The following NTM variants were observed in gnomAD, a reference collection of about 807,000 sequenced individuals.
NTM encodes IgLON family member 2.
In NTM, 13 loss-of-function variants were observed where a neutral mutation model predicts 42.1. The ratio of observed to expected loss-of-function variants is 0.31; its 90% confidence interval spans 0.20 to 0.49. The LOEUF (loss-of-function observed/expected upper bound fraction) is 0.49. NTM is among the 20% of genes least tolerant of loss of function. The probability of loss-of-function intolerance (pLI) is 0.99; values close to 1 mark genes in which losing one functional copy is unlikely to be tolerated. For synonymous variants in NTM, 187 were observed against 179.2 expected (o/e 1.04, Z -0.35); for missense variants, 373 against 452.8 (o/e 0.82, Z 1.60).
intron 1 of NTM, among the ~76,000 whole-genome samples, chr11:131,892,247 A>G (rs771472034): frequency 6.6e-6 from 1 of 152,164 alleles, no homozygotes; most frequent in Non-Finnish European, 1.5e-5. Context: ...TCTGCTAGAC[A>G]GGGTAGCTGG....
chr11:131,546,219 G>C (rs566651459), intron 1 of NTM, among the ~76,000 whole-genome samples: 1 of 152,066 alleles, frequency 6.6e-6, no homozygotes, highest in Non-Finnish European at 1.5e-5. Flanking sequence ...CTATCCCTTC[G>C]CTTTAAAATA....
chr11:132,189,235 A>G (rs2078917040), intron 3 of NTM, among the ~76,000 whole-genome samples: 1 of 152,204 alleles, frequency 6.6e-6, no homozygotes, highest in Non-Finnish European at 1.5e-5. Context: ...TAGATAGATC[A>G]TGAAAAATAC....
At chr11:132,001,492 T>C (rs2069223231) in intron 2 of NTM, among the ~76,000 whole-genome samples, 2 of 152,148 alleles carry the variant, frequency 1.3e-5, no homozygotes, top group East Asian at 1.9e-4. Flanking sequence ...CGGCATCTGC[T>C]TGGCTTCTGG....
intron 2 of NTM, among the ~76,000 whole-genome samples, chr11:131,968,576 A>G (rs907950718): frequency 1.3e-4 from 19 of 151,992 alleles, no homozygotes; most frequent in African/African-American, 4.1e-4. Context: ...GAAATTACCC[A>G]TCTTGCCTGA....
At chr11:131,668,412 A>G (rs565065474) in intron 1 of NTM, among the ~76,000 whole-genome samples, 47 of 152,240 alleles carry the variant, frequency 3.1e-4, no homozygotes, top group African/African-American at 1.1e-3. Flanking sequence ...AACCTTGATT[A>G]TATGTTACAA....
chr11:131,473,949 A>G (rs1002955677), intron 1 of NTM, among the ~76,000 whole-genome samples: 23 of 152,288 alleles, frequency 1.5e-4, no homozygotes, highest in Middle Eastern at 3.4e-3. Flanking sequence ...AAAATTAAGA[A>G]TAAAAATAAA....
chr11:131,688,849 T>C (rs1488186684), intron 1 of NTM, among the ~76,000 whole-genome samples: 2 of 152,176 alleles, frequency 1.3e-5, no homozygotes, highest in East Asian at 3.9e-4. Context: ...TGCAGACCAA[T>C]GGGCAGGTGT....
At chr11:131,511,389 C>T (rs897800796) in intron 1 of NTM, among the ~76,000 whole-genome samples, 1 of 152,214 alleles carries the variant, frequency 6.6e-6, no homozygotes, top group East Asian at 1.9e-4. Context: ...GCCAGAGACC[C>T]TCTGTCTTCG....
chr11:132,145,761 A>T (rs904235258), intron 2 of NTM, among the ~76,000 whole-genome samples: 2 of 152,170 alleles, frequency 1.3e-5, no homozygotes, highest in Non-Finnish European at 2.9e-5. Context: ...GAGAGGAATG[A>T]TGTTTAGTAG....
At chr11:132,022,034 A>T (rs2135533219) in intron 2 of NTM, among the ~76,000 whole-genome samples, 1 of 152,248 alleles carries the variant, frequency 6.6e-6, no homozygotes, top group African/African-American at 2.4e-5. Flanking sequence ...TGAGAGAATG[A>T]CTTCTACCAA....
intron 2 of NTM, among the ~76,000 whole-genome samples, chr11:131,931,280 A>G (rs1262255697): frequency 6.6e-6 from 1 of 151,746 alleles, no homozygotes; most frequent in Non-Finnish European, 1.5e-5. Context: ...CTCTATACAA[A>G]ATACAAAAAT....
intron 1 of NTM, among the ~76,000 whole-genome samples, chr11:131,733,458 C>A (rs1591489151): frequency 7.7e-6 from 1 of 130,674 alleles, no homozygotes; most frequent in Admixed American, 7.5e-5. Flanking sequence ...TTCCTTCCTT[C>A]CTTCTTTCCT....
At chr11:132,021,525 A>G (rs1315050901) in intron 2 of NTM, among the ~76,000 whole-genome samples, 2 of 151,776 alleles carry the variant, frequency 1.3e-5, no homozygotes, top group African/African-American at 2.4e-5. Context: ...CAAAGGTTGT[A>G]TTTTGCTGTT....
chr11:132,278,743 TTCTCTCTCTCTC>T (rs66748602), intron 4 of NTM, among the ~76,000 whole-genome samples: 47 of 138,080 alleles, frequency 3.4e-4, no homozygotes, highest in African/African-American at 8.4e-4. Flanking sequence ...TCATTTGGGC[TTCTCTCTCTCTC>T]TCTCTCTCTC....
At chr11:131,928,790 C>T (rs1222751393) in intron 2 of NTM, among the ~76,000 whole-genome samples, 1 of 152,238 alleles carries the variant, frequency 6.6e-6, no homozygotes, top group Non-Finnish European at 1.5e-5. Context: ...CCACTGCAAA[C>T]TCTGAACTCA....
chr11:132,222,742 C>T (rs2085426923), intron 4 of NTM, among the ~76,000 whole-genome samples: 1 of 152,160 alleles, frequency 6.6e-6, no homozygotes, highest in South Asian at 2.1e-4. Context: ...GGGTTCTTCT[C>T]TGCTTACTGC....
chr11:131,657,130 T>A (rs2067293404), intron 1 of NTM, among the ~76,000 whole-genome samples: 1 of 135,884 alleles, frequency 7.4e-6, no homozygotes, highest in Non-Finnish European at 1.5e-5. Flanking sequence ...GGTTTTACAA[T>A]GGCCCTATGA....
intron 2 of NTM, among the ~76,000 whole-genome samples, chr11:132,105,311 G>A (rs1045938379): frequency 2.0e-5 from 3 of 151,972 alleles, no homozygotes; most frequent in African/African-American, 4.8e-5. Context: ...ATTCCCAAGG[G>A]TGTGGAACAC....
intron 3 of NTM, among the ~76,000 whole-genome samples, chr11:132,149,553 AC>A (rs1324535699): frequency 1.3e-5 from 2 of 152,238 alleles, no homozygotes; most frequent in Non-Finnish European, 2.9e-5. Context: ...ACAGCATTGC[AC>A]AAGCTGCTTC....
Sources: allele counts gnomAD v4.1 joint callset (sites outside exome capture counted in the v4.1 genomes callset), GRCh38; gene constraint gnomAD v4.1.1; transcripts MANE v1.5; gene names NCBI Gene and HGNC (gene_info 2026-07-23, HGNC 2026-07-21).